GULP1: variants seen among roughly 807,000 people sequenced by gnomAD.
GULP1 encodes PTB domain-containing engulfment adapter protein 1.
Under a neutral mutation model 40.9 loss-of-function variants are expected in GULP1, and 19 were observed. The observed-to-expected ratio is 0.46, with a 90% confidence interval of 0.32 to 0.68. The LOEUF is 0.68. Among genes scored for constraint, GULP1 ranks in the 30% least tolerant of loss-of-function variants. The probability of loss-of-function intolerance (pLI) is 0.03; values close to 1 mark genes in which losing one functional copy is unlikely to be tolerated. For synonymous variants in GULP1, 119 were observed against 117.6 expected (o/e 1.01, Z -0.08); for missense variants, 312 against 362.2 (o/e 0.86, Z 1.12).
intron 5 of GULP1, among the ~76,000 whole-genome samples, chr2:188,526,515 A>G (rs564250837): frequency 6.6e-6 from 1 of 152,284 alleles, no homozygotes; most frequent in Admixed American, 6.5e-5. Context: ...TAGAAATATT[A>G]GGAAGGCAAG....
At chr2:188,471,119 C>T (rs2060553975) in intron 2 of GULP1, among the ~76,000 whole-genome samples, 1 of 152,064 alleles carries the variant, frequency 6.6e-6, no homozygotes, top group African/African-American at 2.4e-5. Flanking sequence ...TTCTTTTTCT[C>T]CTTTGGTACT....
chr2:188,545,948 A>T (rs1159207315), intron 7 of GULP1, among the ~76,000 whole-genome samples: 4 of 151,898 alleles, frequency 2.6e-5, no homozygotes, highest in Non-Finnish European at 5.9e-5. Context: ...TTTACATCAG[A>T]TAAAGTAGAC....
At chr2:188,296,379 C>A (rs555979349) in intron 1 of GULP1, among the ~76,000 whole-genome samples, 1 of 151,898 alleles carries the variant, frequency 6.6e-6, no homozygotes, top group Non-Finnish European at 1.5e-5. Context: ...TTGTTATTTG[C>A]GAGTTTTTTG....
chr2:188,487,002 G>A (rs886411969), intron 4 of GULP1, among the ~76,000 whole-genome samples: 4 of 151,940 alleles, frequency 2.6e-5, no homozygotes, highest in Non-Finnish European at 4.4e-5. Flanking sequence ...TATTTTGAAA[G>A]TAAAGTTGAC....
chr2:188,449,901 C>A (rs2058695852), intron 2 of GULP1, among the ~76,000 whole-genome samples: 1 of 152,122 alleles, frequency 6.6e-6, no homozygotes, highest in Admixed American at 6.5e-5. Flanking sequence ...TCATTTTTTA[C>A]TTCATTTGGA....
At chr2:188,341,255 C>T (rs2042930034) in intron 1 of GULP1, among the ~76,000 whole-genome samples, 1 of 152,030 alleles carries the variant, frequency 6.6e-6, no homozygotes, top group South Asian at 2.1e-4. Context: ...GGAGCAGGCA[C>T]ATCGCATGGT....
intron 2 of GULP1, among the ~76,000 whole-genome samples, chr2:188,436,737 G>A (rs1011956480): frequency 4.6e-5 from 7 of 151,952 alleles, no homozygotes; most frequent in African/African-American, 1.7e-4. Flanking sequence ...GTTTTAAATT[G>A]AGTATAATAT....
At chr2:188,440,292 A>C (rs1368297798) in intron 2 of GULP1, among the ~76,000 whole-genome samples, 1 of 152,242 alleles carries the variant, frequency 6.6e-6, no homozygotes, top group African/African-American at 2.4e-5. Flanking sequence ...TTCAAATGCT[A>C]AACTTAACTG....
chr2:188,387,949 A>G (rs2049996036), intron 2 of GULP1, among the ~76,000 whole-genome samples: 4 of 152,106 alleles, frequency 2.6e-5, no homozygotes, highest in African/African-American at 7.2e-5. Flanking sequence ...TTACATATGT[A>G]TACATGTGCC....
At chr2:188,308,328 A>T (rs1410371600) in intron 1 of GULP1, among the ~76,000 whole-genome samples, 1 of 152,232 alleles carries the variant, frequency 6.6e-6, no homozygotes, top group Non-Finnish European at 1.5e-5. Flanking sequence ...TCTGTTTTGT[A>T]AATGTACATG....
chr2:188,375,889 C>T (rs1177295406), intron 1 of GULP1, among the ~76,000 whole-genome samples: 1 of 152,070 alleles, frequency 6.6e-6, no homozygotes, highest in Non-Finnish European at 1.5e-5. Context: ...CCTGTATCCT[C>T]AGGGGATTGA....
chr2:188,366,307 C>T (rs1211583765), intron 1 of GULP1, among the ~76,000 whole-genome samples: 1 of 152,068 alleles, frequency 6.6e-6, no homozygotes, highest in Non-Finnish European at 1.5e-5. Context: ...AGCCACTGGA[C>T]TAAGAATACC....
intron 2 of GULP1, among the ~76,000 whole-genome samples, chr2:188,387,763 T>G (rs2152530005): frequency 6.6e-6 from 1 of 152,282 alleles, no homozygotes; most frequent in African/African-American, 2.4e-5. Context: ...GTTGGAAGTG[T>G]GTTCTGTGAT....
intron 7 of GULP1, among the ~76,000 whole-genome samples, chr2:188,562,708 A>T (rs1696621428): frequency 6.6e-6 from 1 of 152,202 alleles, no homozygotes; most frequent in Admixed American, 6.5e-5. Flanking sequence ...ACGTGAATAG[A>T]ATGCTATCCC....
At chr2:188,475,547 G>A (rs1044250115) in intron 2 of GULP1, among the ~76,000 whole-genome samples, 1 of 151,524 alleles carries the variant, frequency 6.6e-6, no homozygotes, top group African/African-American at 2.4e-5. Context: ...ATCTTCTTTT[G>A]TTGAAAATGT....
chr2:188,318,164 G>C (rs1358089271), intron 1 of GULP1, among the ~76,000 whole-genome samples: 1 of 152,092 alleles, frequency 6.6e-6, no homozygotes, highest in Admixed American at 6.6e-5. Context: ...AGTTATTCTT[G>C]TTCAGAATTA....
intron 4 of GULP1, among the ~76,000 whole-genome samples, chr2:188,493,097 TTTC>T (rs1348901581): frequency 6.6e-5 from 10 of 152,110 alleles, no homozygotes; most frequent in Admixed American, 5.9e-4. Context: ...TTATTTACTA[TTTC>T]TTCTTCTCTA....
chr2:188,410,215 G>A (rs1436044042), intron 2 of GULP1, among the ~76,000 whole-genome samples: 1 of 152,104 alleles, frequency 6.6e-6, no homozygotes, highest in African/African-American at 2.4e-5. Flanking sequence ...ATGATTTAAA[G>A]ACTCAAACAT....
At chr2:188,523,882 A>G (rs1348030421) in intron 5 of GULP1, among the ~76,000 whole-genome samples, 1 of 152,198 alleles carries the variant, frequency 6.6e-6, no homozygotes, top group East Asian at 1.9e-4. Flanking sequence ...GTTTTAAGTA[A>G]ATATGCTAAA....
Sources: allele counts gnomAD v4.1 joint callset (sites outside exome capture counted in the v4.1 genomes callset), GRCh38; gene constraint gnomAD v4.1.1; transcripts MANE v1.5; gene names NCBI Gene and HGNC (gene_info 2026-07-23, HGNC 2026-07-21).